PTGER4: variants seen among roughly 807,000 people sequenced by gnomAD.
PTGER4 encodes prostaglandin E receptor 4.
A neutral mutation model predicts 33.2 loss-of-function variants in PTGER4; 11 were observed. That is an observed-to-expected ratio of 0.33 (90% CI 0.21 to 0.55). The LOEUF (loss-of-function observed/expected upper bound fraction) is 0.55. PTGER4 is among the 20% of genes least tolerant of loss of function. The pLI is 0.92. For synonymous variants in PTGER4, 275 were observed against 281.5 expected (o/e 0.98, Z 0.23); for missense variants, 481 against 650.2 (o/e 0.74, Z 2.83).
At chr5:40,718,603 G>T in the PTGER4 span, among the ~76,000 whole-genome samples, 1 of 151,962 alleles carries the variant, frequency 6.6e-6, no homozygotes, top group South Asian at 2.1e-4. Context: ...AGCTGGGCAT[G>T]GTGGCACCCT....
downstream of PTGER4, among the ~76,000 whole-genome samples, chr5:40,698,092 C>CAAAAAAAAAAAAAAAAAAAAAAAAAAAAA: frequency 2.5e-5 from 1 of 40,050 alleles, no homozygotes; most frequent in Non-Finnish European, 4.1e-5. Flanking sequence ...CCTGTCTCTA[C>CAAAAAAAAAAAAAAAAAAAAAAAAAAAAA]AAAAAAAAAA....
chr5:40,718,272 T>C, the PTGER4 span, among the ~76,000 whole-genome samples: 1 of 150,936 alleles, frequency 6.6e-6, no homozygotes, highest in Non-Finnish European at 1.5e-5. Flanking sequence ...TTGGACATAG[T>C]GGTGGTGCCT....
At position 40,691,221 on chromosome 5, in the gene PTGER4, C is replaced by T. The variant is rs1228828879; in HGVS notation, c.868-558C>T. On this transcript the variant is annotated intron_variant, in intron 2 of 2. Transcript: ENST00000302472. The surrounding 1 kb of genome is among the most constrained non-coding windows in gnomAD (Gnocchi z 4.2). ...TTTTTGAGACGGAGTCTCGCTCTGTCGCCAGGCTGGAGTGCAGTGGTGGGA... is the reference window on the plus strand; with the variant it reads ...TTTTTGAGACGGAGTCTCGCTCTGTTGCCAGGCTGGAGTGCAGTGGTGGGA... 2.6e-5 allele frequency among the ~76,000 whole-genome samples: 4 copies of T among 151,576 alleles called. No homozygotes were observed. The East Asian group carries it at 5.9e-4, about 22-fold the overall frequency.
chr5:40,728,693 A>T, the PTGER4 span, among the ~76,000 whole-genome samples: 2 of 152,120 alleles, frequency 1.3e-5, no homozygotes, highest in Admixed American at 1.3e-4. Context: ...CTTTCCAGTT[A>T]TTGAATCTTA....
chr5:40,693,671 G>C lies in PTGER4; in HGVS notation c.*1293G>C. The C allele has an allele frequency of 1.0e-6, 1 of 980,948 alleles. No homozygotes were observed. Among genetic ancestry groups the C allele is most frequent in the Non-Finnish European group, 1.2e-6 (1 of 825,442 alleles). 60.8% of individuals were successfully genotyped at this position (980,948 alleles called of 1,614,324 possible). A position where few individuals can be genotyped will look rare whatever the true frequency, so the allele number is the denominator to read the frequency against. ...TAAATTCTGAGCCTGATATTGATAT[G>C]GTTTTAAGAAGCAGTTGTACCAAGT... On this transcript the variant is annotated 3_prime_UTR_variant, in exon 3 of 3. Coordinates refer to ENST00000302472, the MANE Select transcript of PTGER4 (RefSeq NM_000958.3).
intron 2 of PTGER4, among the ~76,000 whole-genome samples, chr5:40,687,784 C>T (rs555452536): frequency 3.3e-5 from 5 of 152,192 alleles, no homozygotes; most frequent in African/African-American, 1.2e-4. Context: ...CTTTTACTAC[C>T]CTGTGAACTC....
downstream of PTGER4, among the ~76,000 whole-genome samples, chr5:40,698,252 T>A (rs983736023): frequency 6.6e-6 from 1 of 151,980 alleles, no homozygotes; most frequent in Admixed American, 6.6e-5. Context: ...GACACCAGCC[T>A]GGGCAACAAA....
At position 40,681,257 on chromosome 5, in the gene PTGER4, C is replaced by A. The variant is rs912947580; in HGVS notation, c.264C>A (p.Gly88=). The A allele has an allele frequency of 6.2e-7, 1 of 1,614,176 alleles. No individual in the cohort carries two copies. Among genetic ancestry groups the A allele is most frequent in the Non-Finnish European group, 8.5e-7 (1 of 1,180,036 alleles). The change falls in exon 2 of 3, where the codon GGC becomes GGA. Residue 88 remains glycine (G), a synonymous_variant. Transcript: ENST00000302472. The surrounding 1 kb of genome is among the most constrained non-coding windows in gnomAD (Gnocchi z 9.8). ...ATYMKGQWPG[G]QPLCEYSTFI... is the part of the protein sequence containing the mutation. ...ACATGAAGGGCCAATGGCCCGGGGG[C>A]CAGCCGCTGTGCGAGTACAGCACCT...
the PTGER4 span, among the ~76,000 whole-genome samples, chr5:40,718,762 G>A: frequency 1.3e-5 from 2 of 151,418 alleles, no homozygotes; most frequent in African/African-American, 4.9e-5. Flanking sequence ...TTAGCTGGGT[G>A]TAGTGGTGTA....
chr5:40,700,308 C>G, the PTGER4 span, among the ~76,000 whole-genome samples: 3 of 152,240 alleles, frequency 2.0e-5, no homozygotes, highest in Non-Finnish European at 4.4e-5. Flanking sequence ...CGACCCAGAG[C>G]TGTCAAGCCA....
Position 40,681,361 on chromosome 5 carries a change from A to G in PTGER4, c.368A>G (p.His123Arg). The G allele has an allele frequency of 6.2e-7, 1 of 1,614,064 alleles. No individual in the cohort carries two copies. The highest frequency in any genetic ancestry group is 8.5e-7 in the Non-Finnish European group (1 of 1,180,024). ...GTCGAGCGCTACCTGGCCATCAACC[A>G]TGCCTATTTCTACAGCCACTACGTG... ...MSVERYLAINHAYFYSHYVDK... is the reference protein window; with the variant it reads ...MSVERYLAINRAYFYSHYVDK... Residue 123 changes from histidine to arginine, a missense_variant, in exon 2 of 3, where the codon CAT (histidine) becomes CGT (arginine). Transcript: ENST00000302472. This position sits in a 1 kb window ranked among gnomAD's most constrained non-coding sequence, Gnocchi z 9.8.
At chr5:40,729,673 A>G in the PTGER4 span, among the ~76,000 whole-genome samples, 1 of 152,252 alleles carries the variant, frequency 6.6e-6, no homozygotes, top group South Asian at 2.1e-4. Flanking sequence ...TAAGAGCTCA[A>G]CAGTGACTTT....
the PTGER4 span, among the ~76,000 whole-genome samples, chr5:40,737,387 T>G: frequency 6.6e-6 from 1 of 151,590 alleles, no homozygotes; most frequent in Non-Finnish European, 1.5e-5. Flanking sequence ...AGTGATAAAA[T>G]AACCAAGACC....
chr5:40,746,580 GA>G, the PTGER4 span, among the ~76,000 whole-genome samples: 2 of 152,208 alleles, frequency 1.3e-5, no homozygotes, highest in African/African-American at 4.8e-5. Flanking sequence ...TTAGCATCCT[GA>G]AAACTATTTT....
downstream of PTGER4, among the ~76,000 whole-genome samples, chr5:40,697,089 A>G (rs1419593300): frequency 2.2e-4 from 17 of 76,276 alleles, no homozygotes; most frequent in Non-Finnish European, 3.4e-4. Context: ...AAGGAAGGAA[A>G]GAAAGAGAAA....
At position 40,692,011 on chromosome 5, in the gene PTGER4, A is replaced by G; in HGVS notation, c.1100A>G (p.Gln367Arg). The G allele has an allele frequency of 6.2e-7, 1 of 1,614,170 alleles. No individual in the cohort carries two copies. The highest frequency in any genetic ancestry group is 8.5e-7 in the Non-Finnish European group (1 of 1,180,022). ...TCCGGACAGCACTGCTCAGACAGTC[A>G]AAGGACATCTTCTGCCATGTCAGGC... ...ERSGQHCSDS[Q>R]RTSSAMSGHS... Residue 367 changes from glutamine (Q) to arginine (R), a missense_variant, in exon 3 of 3, where the codon CAA (glutamine) becomes CGA (arginine). Gln to Arg is a conservative substitution (Grantham distance 43, BLOSUM62 1). Coordinates refer to ENST00000302472, the MANE Select transcript of PTGER4 (RefSeq NM_000958.3).
intron 2 of PTGER4, among the ~76,000 whole-genome samples, chr5:40,684,715 G>C (rs962717725): frequency 6.6e-6 from 1 of 152,180 alleles, no homozygotes; most frequent in African/African-American, 2.4e-5. Context: ...CATAATTAAT[G>C]ATCAGAGAAG....
chr5:40,722,796 C>T, the PTGER4 span, among the ~76,000 whole-genome samples: 1 of 151,632 alleles, frequency 6.6e-6, no homozygotes, highest in Admixed American at 6.6e-5. Context: ...CCCGCCCAGC[C>T]AGCCGCCCAT....
the PTGER4 span, among the ~76,000 whole-genome samples, chr5:40,706,330 G>A: frequency 6.6e-6 from 1 of 152,120 alleles, no homozygotes; most frequent in Admixed American, 6.6e-5. Flanking sequence ...CTACCTGAGT[G>A]GGGAGGGTGG....
Sources: allele counts gnomAD v4.1 joint callset (sites outside exome capture counted in the v4.1 genomes callset), GRCh38; gene constraint gnomAD v4.1.1; non-coding constraint Gnocchi (gnomAD v3.1); transcripts MANE v1.5; gene names NCBI Gene and HGNC (gene_info 2026-07-23, HGNC 2026-07-21).